CHRNA2: variants seen among roughly 807,000 people sequenced by gnomAD.
The protein encoded by CHRNA2 is neuronal acetylcholine receptor subunit alpha-2.
Under a neutral mutation model 45.5 loss-of-function variants are expected in CHRNA2, and 40 were observed. The observed-to-expected ratio is 0.88, with a 90% CI of 0.68 to 1.15. The LOEUF (loss-of-function observed/expected upper bound fraction) is 1.15. Ranked by LOEUF, CHRNA2 falls within the 50% of genes most tolerant of loss-of-function variation. The pLI is 0.00. For synonymous variants in CHRNA2, 301 were observed against 296.7 expected, an observed-to-expected ratio of 1.01 and a Z score of -0.15; for missense variants, 655 against 701.7, an observed-to-expected ratio of 0.93 and a Z score of 0.75.
chr8:27,463,972 C>G lies in CHRNA2; in HGVS notation c.471G>C (p.Val157=). The G allele has an allele frequency of 6.2e-7, 1 of 1,614,144 alleles. No individual in the cohort carries two copies. The highest frequency in any genetic ancestry group is 8.5e-7 in the Non-Finnish European group (1 of 1,180,034). ...AGAGGTGGGCCTTGGTCATGTGGGT[C>G]ACTGCAAACTCCCCATCTGCACTGA... ...LYNNADGEFA[V]THMTKAHLFS... The change falls in exon 6 of 7, where the codon GTG becomes GTC. Residue 157 remains valine, a synonymous_variant. Coordinates refer to ENST00000407991, the MANE Select transcript of CHRNA2 (RefSeq NM_000742.4). This position sits in a 1 kb window ranked among gnomAD's most constrained non-coding sequence, Gnocchi z 6.1.
rs777716357 is a variant in CHRNA2, at chr8:27,463,223, T to A, written c.1220A>T (p.Asn407Ile). Reference sequence around the variant, plus strand: ...CACCTCCCTCTCCTCGGCATCCACGTTGCTCTCCAGCCAGTGATAAGAGGG... The same window carrying A: ...CACCTCCCTCTCCTCGGCATCCACGATGCTCTCCAGCCAGTGATAAGAGGG... ...LSPSYHWLES[N>I]VDAEEREVVV... Residue 407 changes from asparagine (N) to isoleucine (I), a missense_variant, in exon 6 of 7, where the codon AAC (asparagine) becomes ATC (isoleucine). By Grantham distance (149) the Asn-to-Ile change is moderately radical (BLOSUM62 -3). Coordinates refer to ENST00000407991, the MANE Select transcript of CHRNA2 (RefSeq NM_000742.4). This position sits in a 1 kb window ranked among gnomAD's most constrained non-coding sequence, Gnocchi z 6.1. 6.3e-7 allele frequency: 1 copy of A among 1,591,130 alleles called. No homozygotes were observed. The highest frequency in any genetic ancestry group is 8.6e-7 in the Non-Finnish European group (1 of 1,165,636).
chr8:27,462,949 A>G (rs1223887928), intron 6 of CHRNA2, 30 bp downstream of exon 6: 1 of 1,613,756 alleles, frequency 6.2e-7, no homozygotes, highest in Admixed American at 1.7e-5. Context: ...GGGGCCACCC[A>G]GGCTGGCGCC....
chr8:27,461,448 G>T lies in CHRNA2; in HGVS notation c.*181C>A. On this transcript the variant is annotated 3_prime_UTR_variant, in exon 7 of 7. Coordinates refer to ENST00000407991, the MANE Select transcript of CHRNA2 (RefSeq NM_000742.4). The stretch of plus-strand genomic sequence containing the variant: ...CAAAACAGGGCTTTGCACCCAGCAG[G>T]CTGTCAGCCCTGGTACAATAACGTT... 1 of 835,774 alleles carries T rather than the reference G, an allele frequency of 1.2e-6. No individual in the cohort carries two copies. Among genetic ancestry groups the T allele is most frequent in the Non-Finnish European group, 1.8e-6 (1 of 544,340 alleles). The allele number at this position is 835,774 out of a possible 1,614,324, so 51.8% of individuals were successfully genotyped here.
At chr8:27,474,990 C>G (rs552856925) in intron 1 of CHRNA2, among the ~76,000 whole-genome samples, 1 of 152,344 alleles carries the variant, frequency 6.6e-6, no homozygotes, top group South Asian at 2.1e-4. Flanking sequence ...TTGCTCTTTT[C>G]TCTTTTAATC....
At chr8:27,478,180 C>T (rs1054743934) in intron 1 of CHRNA2, among the ~76,000 whole-genome samples, 16 of 152,228 alleles carry the variant, frequency 1.1e-4, no homozygotes, top group African/African-American at 3.4e-4. Flanking sequence ...GGCAACATTA[C>T]ACTCCCAAAG....
chr8:27,476,412 C>G (rs539139863), intron 1 of CHRNA2, among the ~76,000 whole-genome samples: 1 of 152,188 alleles, frequency 6.6e-6, no homozygotes, highest in East Asian at 1.9e-4. Flanking sequence ...AGCTTTTCCT[C>G]GAGTCTGAAT....
At chr8:27,462,079 C>G (rs1036910365) in intron 6 of CHRNA2, among the ~76,000 whole-genome samples, 1 of 152,168 alleles carries the variant, frequency 6.6e-6, no homozygotes, top group Admixed American at 6.5e-5. Context: ...GGGCATGGGC[C>G]CTTCTAGGGG....
Position 27,463,559 on chromosome 8 carries a change from T to C in CHRNA2, c.884A>G (p.Glu295Gly). ...CACCGAAATGCACAGCGTGATCTTC[T>C]CGCCGCAGTCGGAGGGCAGGTAGAA... ...LVFYLPSDCG[E>G]KITLCISVLL... The change falls in exon 6 of 7, where the codon GAG (glutamate) becomes GGG (glycine). Residue 295 changes from glutamate (E) to glycine (G), a missense_variant. Physicochemically the swap from Glu to Gly is moderately conservative, Grantham distance 98. This residue lies in a region of CHRNA2 where 37 missense variants were observed against 66.8 expected (regional missense o/e 0.55). Transcript: ENST00000407991. The surrounding 1 kb of genome is among the most constrained non-coding windows in gnomAD (Gnocchi z 6.1). The C allele has an allele frequency of 6.2e-7, 1 of 1,614,154 alleles. No homozygotes were observed. The highest frequency in any genetic ancestry group is 8.5e-7 in the Non-Finnish European group (1 of 1,180,038).
At chr8:27,469,029 C>T (rs1005440801) in intron 4 of CHRNA2, among the ~76,000 whole-genome samples, 1 of 152,214 alleles carries the variant, frequency 6.6e-6, no homozygotes, top group Non-Finnish European at 1.5e-5. Context: ...ATGAACCCCC[C>T]GTGGGGCTTT....
At chr8:27,473,527 C>CGCG (rs937100922) in intron 1 of CHRNA2, among the ~76,000 whole-genome samples, 4 of 118,496 alleles carry the variant, frequency 3.4e-5, no homozygotes, top group African/African-American at 1.3e-4. Context: ...TAGTGAGACC[C>CGCG]CCCCCGCCGT....
chr8:27,461,542 A>G lies in CHRNA2; in HGVS notation c.*87T>C. Reference sequence around the variant, plus strand: ...CCGCGGAGAGGCACCTGCTCATCCCAAAGGGGACACCAGAGGCAGCTGTAG... The same window carrying G: ...CCGCGGAGAGGCACCTGCTCATCCCGAAGGGGACACCAGAGGCAGCTGTAG... On this transcript the variant is annotated 3_prime_UTR_variant, in exon 7 of 7. Coordinates refer to ENST00000407991, the MANE Select transcript of CHRNA2 (RefSeq NM_000742.4). The G allele has an allele frequency of 6.3e-7, 1 of 1,593,392 alleles. No individual in the cohort carries two copies. Among genetic ancestry groups the G allele is most frequent in the Non-Finnish European group, 8.6e-7 (1 of 1,163,818 alleles).
chr8:27,467,244 A>G lies in CHRNA2; in HGVS notation c.434T>C (p.Ile145Thr). ...GGCTTCCTACTTGTTGTAGAGAACAATGTCGGGGATCCAGATCATCTCAGA... is the reference window on the plus strand; with the variant it reads ...GGCTTCCTACTTGTTGTAGAGAACAGTGTCGGGGATCCAGATCATCTCAGA... The part of the protein sequence containing the change: ...VPSEMIWIPD[I>T]VLYNNADGEF... Residue 145 changes from isoleucine (I) to threonine (T), a missense_variant, in exon 5 of 7, where the codon ATT becomes ACT. By Grantham distance (89) the Ile-to-Thr change is moderately conservative. Around this residue, in one of 3 missense-constraint regions of CHRNA2, gnomAD observed 323 missense variants for 354.4 expected, o/e 0.91. Coordinates refer to ENST00000407991, the MANE Select transcript of CHRNA2 (RefSeq NM_000742.4). The G allele has an allele frequency of 6.2e-7, 1 of 1,613,448 alleles. No individual in the cohort carries two copies. The highest frequency in any genetic ancestry group is 1.1e-5 in the South Asian group (1 of 91,056).
intron 5 of CHRNA2, among the ~76,000 whole-genome samples, chr8:27,465,407 A>C (rs1182062288): frequency 6.6e-6 from 1 of 151,692 alleles, no homozygotes; most frequent in Non-Finnish European, 1.5e-5. Context: ...TTTGAAAGGG[A>C]GTAACAAATA....
Position 27,469,969 on chromosome 8 carries a change from GC to G in CHRNA2, c.85del (p.Ala29LeufsTer56). The G allele has an allele frequency of 6.2e-7, 1 of 1,613,254 alleles. No individual in the cohort carries two copies. The highest frequency in any genetic ancestry group is 8.5e-7 in the Non-Finnish European group (1 of 1,179,842). ...AGGAGCCCTGGGAGGTGGGCGCTTA[GC>G]TTCCTCTCCACCTGCCATCAAATCA... ...LLLTPAGGEE[A>X]KRPPPRAPGD... On this transcript the variant is annotated frameshift_variant, in exon 3 of 7. Coordinates refer to ENST00000407991, the MANE Select transcript of CHRNA2 (RefSeq NM_000742.4). LOFTEE classifies it high-confidence loss of function.
rs2132688014 is a variant in CHRNA2 at position 27,478,996 on chromosome 8, C to A, written c.-309G>T. 1 of 152,246 alleles carries A rather than the reference C, an allele frequency of 6.6e-6. No individual in the cohort carries two copies. The highest frequency in any genetic ancestry group is 6.5e-5 in the Admixed American group (1 of 15,298). The allele number at this position is 152,246 out of a possible 1,614,324, so 9.4% of individuals were successfully genotyped here. ...GGCTGAAGAGTGAGGGTTTAGGAGA[C>A]ACCCCGTCGAGCAGAAGACTTACAT... On this transcript the variant is annotated 5_prime_UTR_variant, in exon 1 of 7. Coordinates refer to ENST00000407991, the MANE Select transcript of CHRNA2 (RefSeq NM_000742.4).
intron 2 of CHRNA2, among the ~76,000 whole-genome samples, chr8:27,470,271 A>C (rs1025050895): frequency 2.0e-5 from 3 of 152,124 alleles, no homozygotes; most frequent in Admixed American, 1.3e-4. Flanking sequence ...TCAGCCCCAT[A>C]TGGAGGAGTG....
rs771282047 is a variant in CHRNA2 at position 27,463,457 on chromosome 8, C to G, written c.986G>C (p.Gly329Ala). 4.3e-6 allele frequency: 7 copies of G among 1,614,142 alleles called. No individual in the cohort carries two copies. Among genetic ancestry groups the G allele is most frequent in the Non-Finnish European group, 4.2e-6 (5 of 1,180,032 alleles). ...GATCATGGTGAACAGCAGGTACTCG[C>G]CGATGAGCGGGATGACCAGCGAGGT... is the stretch of plus-strand genomic sequence containing the variant. Reference protein sequence around the residue: ...PSTSLVIPLIGEYLLFTMIFV... With the variant: ...PSTSLVIPLIAEYLLFTMIFV... Residue 329 changes from glycine (G) to alanine (A), a missense_variant, in exon 6 of 7, where the codon GGC becomes GCC. This residue lies in a region of CHRNA2 where 295 missense variants were observed against 280.4 expected (regional missense o/e 1.05). Transcript: ENST00000407991. This position sits in a 1 kb window ranked among gnomAD's most constrained non-coding sequence, Gnocchi z 6.1.
intron 1 of CHRNA2, among the ~76,000 whole-genome samples, chr8:27,473,528 C>CT (rs1014526646): frequency 8.4e-6 from 1 of 119,676 alleles, no homozygotes; most frequent in Non-Finnish European, 1.8e-5. Context: ...AGTGAGACCC[C>CT]CCCCGCCGTC....
chr8:27,463,277 A>G lies in CHRNA2; in HGVS notation c.1166T>C (p.Leu389Pro). The G allele has an allele frequency of 6.2e-7, 1 of 1,607,342 alleles. No individual in the cohort carries two copies. The highest frequency in any genetic ancestry group is 8.5e-7 in the Non-Finnish European group (1 of 1,175,154). ...GAGCTTCAGGCGTAGGGGGTGGCAG[A>G]GCTCCACGGGTGGTGGGGGCCGGTT... is the stretch of plus-strand genomic sequence containing the variant. ...LMNRPPPPVE[L>P]CHPLRLKLSP... Residue 389 changes from leucine to proline, a missense_variant, in exon 6 of 7, where the codon CTC becomes CCC. Physicochemically the swap from Leu to Pro is moderately conservative, Grantham distance 98 (BLOSUM62 -3). This residue lies in a region of CHRNA2 where 295 missense variants were observed against 280.4 expected (regional missense o/e 1.05). Transcript: ENST00000407991. This position sits in a 1 kb window ranked among gnomAD's most constrained non-coding sequence, Gnocchi z 6.1.
Sources: gnomAD v4.1 joint callset for allele counts (sites outside exome capture counted in the v4.1 genomes callset) on GRCh38, gnomAD v4.1.1 for gene constraint, gnomAD v4.1.1 regional missense constraint, Gnocchi (gnomAD v3.1) non-coding constraint, MANE v1.5 for transcripts, NCBI Gene and HGNC (gene_info 2026-07-23, HGNC 2026-07-21) for gene names.